The following MPDZ variants were observed in gnomAD, a reference collection of about 807,000 sequenced individuals.
MPDZ encodes multiple PDZ domain crumbs cell polarity complex component.
Under a neutral mutation model 239.1 loss-of-function variants are expected in MPDZ, and 234 were observed. The ratio of observed to expected loss-of-function variants is 0.98; its 90% confidence interval spans 0.88 to 1.09. The LOEUF (loss-of-function observed/expected upper bound fraction) is 1.09, where lower values mean the gene tolerates loss of function less well. MPDZ is among the 50% of genes least tolerant of loss of function. MPDZ has a pLI of 0.00. For synonymous variants in MPDZ, 1,048 were observed against 881.3 expected (o/e 1.19, Z -3.35); for missense variants, 3,175 against 2,510.0 (o/e 1.26, Z -5.66).
intron 32 of MPDZ, among the ~76,000 whole-genome samples, chr9:13,132,739 T>C (rs1179778478): frequency 6.6e-6 from 1 of 152,172 alleles, no homozygotes; most frequent in African/African-American, 2.4e-5. Flanking sequence ...AGTTGGACAA[T>C]TATTAAGTCC....
At chr9:13,155,408 A>C (rs970280636) in intron 24 of MPDZ, among the ~76,000 whole-genome samples, 5 of 152,146 alleles carry the variant, frequency 3.3e-5, no homozygotes, top group African/African-American at 1.2e-4. Context: ...ATAGCAAATA[A>C]CTATTAACTA....
chr9:13,168,955 A>G (rs1951438442), intron 21 of MPDZ, among the ~76,000 whole-genome samples: 1 of 152,176 alleles, frequency 6.6e-6, no homozygotes, highest in South Asian at 2.1e-4. Context: ...AGGAAAATTC[A>G]TCATGTAAAT....
At position 13,147,555 on chromosome 9, in the gene MPDZ, C is replaced by T. The variant is rs372867224; in HGVS notation, c.3734G>A (p.Arg1245Lys). Residue 1245 changes from arginine to lysine, a missense_variant, in exon 26 of 47, where the codon AGA becomes AAA. Physicochemically the swap from Arg to Lys is conservative, Grantham distance 26. Transcript: ENST00000319217. ...VVFMVQSIIN[R>K]PRKSPLPSLL... ...CCCTTTGTGTTCGCTTACCCTTGGT[C>T]TGTTTATAATGCTCTGTACCATAAA... The T allele has an allele frequency of 9.4e-5, 151 of 1,611,268 alleles. No individual in the cohort carries two copies. Among genetic ancestry groups the T allele is most frequent in the Non-Finnish European group, 1.2e-4 (136 of 1,177,986 alleles).
intron 24 of MPDZ, among the ~76,000 whole-genome samples, chr9:13,156,664 G>A (rs1949857401): frequency 1.3e-5 from 2 of 152,172 alleles, no homozygotes; most frequent in East Asian, 1.9e-4. Context: ...TGGGGACACA[G>A]AGCCAAACTA....
intron 10 of MPDZ, among the ~76,000 whole-genome samples, chr9:13,207,988 C>T (rs1029364972): frequency 4.6e-5 from 7 of 152,198 alleles, no homozygotes; most frequent in Non-Finnish European, 1.0e-4. Context: ...CTTAGAATTG[C>T]AAAATGACTA....
At position 13,190,133 on chromosome 9, in the gene MPDZ, A is replaced by C; in HGVS notation, c.2135T>G (p.Phe712Cys). The C allele has an allele frequency of 6.2e-7, 1 of 1,612,806 alleles. No homozygotes were observed. The change falls in exon 16 of 47, where the codon TTT becomes TGT. Residue 712 changes from phenylalanine to cysteine, a missense_variant. By Grantham distance (205) the Phe-to-Cys change is radical. Coordinates refer to ENST00000319217, the MANE Select transcript of MPDZ (RefSeq NM_001378778.1). Reference sequence around the variant, plus strand: ...ACTTACCTGATAATCTAAAATGCTAAAACCAAGTCCTTTGCTCCCTTTCTC... The same window carrying C: ...ACTTACCTGATAATCTAAAATGCTACAACCAAGTCCTTTGCTCCCTTTCTC... Reference protein sequence around the residue: ...ELEKGSKGLGFSILDYQDPID... With the variant: ...ELEKGSKGLGCSILDYQDPID...
At chr9:13,178,835 A>G (rs1292505277) in intron 19 of MPDZ, among the ~76,000 whole-genome samples, 1 of 152,204 alleles carries the variant, frequency 6.6e-6, no homozygotes, top group Non-Finnish European at 1.5e-5. Context: ...TTATTTCTGC[A>G]ACCAAATTTG....
At chr9:13,259,974 C>T (rs1970301742) in intron 1 of MPDZ, among the ~76,000 whole-genome samples, 1 of 151,906 alleles carries the variant, frequency 6.6e-6, no homozygotes, top group Non-Finnish European at 1.5e-5. Flanking sequence ...GCTGAGATTA[C>T]AGGCACCTGC....
In MPDZ at chr9:13,105,964, T is replaced by C. The variant is rs1941410872; in HGVS notation, c.*1001A>G. 1 of 152,294 alleles carries C rather than the reference T, an allele frequency of 6.6e-6. No individual in the cohort carries two copies. Among genetic ancestry groups the C allele is most frequent in the South Asian group, 2.1e-4 (1 of 4,824 alleles). The allele number at this position is 152,294 out of a possible 1,614,324, so 9.4% of individuals were successfully genotyped here. A position where few individuals can be genotyped will look rare whatever the true frequency, so the allele number is the denominator to read the frequency against. On this transcript the variant is annotated 3_prime_UTR_variant, in exon 47 of 47. Transcript: ENST00000319217. ...ATTATAAGATGTTAATATAAGTCAATGAAATGAAGTTATGTTAATCCCCTT... is the reference window on the plus strand; with the variant it reads ...ATTATAAGATGTTAATATAAGTCAACGAAATGAAGTTATGTTAATCCCCTT...
intron 40 of MPDZ, 35 bp downstream of exon 40, chr9:13,115,213 A>T (rs774992747): frequency 1.9e-6 from 3 of 1,575,284 alleles, no homozygotes; most frequent in Non-Finnish European, 2.6e-6. Flanking sequence ...TGGCATGCCG[A>T]TTGCATCGCC....
chr9:13,150,331 C>T lies in MPDZ; in HGVS notation c.3630+180G>A, dbSNP rs964822772. ...AATTTATCCACACACACATTTTACT[C>T]GAATGCTGGGTTGAGTAACTAGTAT... On this transcript the variant is annotated intron_variant, in intron 25 of 46. Transcript: ENST00000319217. Among the ~76,000 whole-genome samples the T allele has an allele frequency of 5.9e-5, 9 of 151,904 alleles. No homozygotes were observed. In the South Asian group the frequency reaches 6.2e-4, roughly 11 times the overall value.
chr9:13,215,945 G>GTTTTT (rs71331531), intron 10 of MPDZ, among the ~76,000 whole-genome samples: 4 of 82,618 alleles, frequency 4.8e-5, no homozygotes, highest in Non-Finnish European at 7.4e-5. Flanking sequence ...TCAGCAATTT[G>GTTTTT]TTTTTTTTTT....
intron 18 of MPDZ, among the ~76,000 whole-genome samples, chr9:13,185,011 G>A (rs1306936056): frequency 6.6e-6 from 1 of 151,920 alleles, no homozygotes; most frequent in Non-Finnish European, 1.5e-5. Context: ...ATTTCGTCGG[G>A]TACTTTAGAA....
chr9:13,223,863 C>G (rs1475896866), intron 4 of MPDZ, among the ~76,000 whole-genome samples, 153 bp from the exon 5 acceptor site: 1 of 151,924 alleles, frequency 6.6e-6, no homozygotes, highest in Non-Finnish European at 1.5e-5. Context: ...GTGACCCCAT[C>G]TCTATAAAAA....
intron 26 of MPDZ, among the ~76,000 whole-genome samples, chr9:13,144,624 C>T (rs922154092): frequency 6.6e-6 from 1 of 152,046 alleles, no homozygotes; most frequent in Non-Finnish European, 1.5e-5. Context: ...TGTGACACCA[C>T]GCTGTATGAG....
intron 1 of MPDZ, among the ~76,000 whole-genome samples, chr9:13,278,696 A>C (rs1340669287): frequency 6.6e-6 from 1 of 152,114 alleles, no homozygotes; most frequent in African/African-American, 2.4e-5. Context: ...ACGTGCTCCC[A>C]CCAACGGGAG....
intron 21 of MPDZ, among the ~76,000 whole-genome samples, chr9:13,172,204 A>G (rs1188005282): frequency 6.6e-6 from 1 of 152,140 alleles, no homozygotes; most frequent in East Asian, 1.9e-4. Context: ...GAGGAACCTC[A>G]CTGGGTCCCA....
intron 3 of MPDZ, among the ~76,000 whole-genome samples, chr9:13,241,585 G>T (rs2137360647): frequency 6.6e-6 from 1 of 152,134 alleles, no homozygotes; most frequent in South Asian, 2.1e-4. Flanking sequence ...GTCATTTTTA[G>T]TTTGTTATTT....
intron 12 of MPDZ, among the ~76,000 whole-genome samples, chr9:13,202,415 T>C (rs998593040): frequency 3.3e-5 from 5 of 152,154 alleles, no homozygotes; most frequent in Admixed American, 2.0e-4. Context: ...CAGGATTTTG[T>C]AGAAAATCCA....
Sources: allele counts gnomAD v4.1 joint callset (sites outside exome capture counted in the v4.1 genomes callset), GRCh38; gene constraint gnomAD v4.1.1; transcripts MANE v1.5; gene names NCBI Gene and HGNC (gene_info 2026-07-23, HGNC 2026-07-21).